Variants in DSCAML1 observed in about 807,000 individuals in gnomAD.
The protein encoded by DSCAML1 is cell adhesion molecule DSCAML1.
A neutral mutation model predicts 200.5 loss-of-function variants in DSCAML1; 38 were observed. The observed-to-expected ratio is 0.19, with a 90% CI of 0.15 to 0.25. The LOEUF is 0.25. DSCAML1 is among the 10% of genes least tolerant of loss of function. DSCAML1 has a pLI of 1.00. For missense variants in DSCAML1, 2,223 were observed against 2,858.8 expected (o/e 0.78, Z 5.07); for synonymous variants, 1,215 against 1,165.0 (o/e 1.04, Z -0.87).
chr11:117,514,914 C>T (rs1414280417), intron 8 of DSCAML1, among the ~76,000 whole-genome samples: 2 of 152,226 alleles, frequency 1.3e-5, no homozygotes, highest in Non-Finnish European at 2.9e-5. Flanking sequence ...CACTTTCTGC[C>T]CCGAAAACTG....
intron 3 of DSCAML1, among the ~76,000 whole-genome samples, chr11:117,638,848 A>G (rs775332726): frequency 5.9e-5 from 9 of 152,202 alleles, no homozygotes; most frequent in African/African-American, 1.4e-4. Flanking sequence ...ACATCCATGC[A>G]TAAGTTTTTG....
intron 3 of DSCAML1, among the ~76,000 whole-genome samples, chr11:117,583,399 A>G (rs2051079963): frequency 1.3e-5 from 2 of 152,140 alleles, no homozygotes; most frequent in Admixed American, 6.5e-5. Flanking sequence ...TAAATCTGAC[A>G]GTTTAGGCTT....
chr11:117,433,109 A>G (rs769073683), intron 29 of DSCAML1, 29 bp downstream of exon 29: 3 of 1,589,950 alleles, frequency 1.9e-6, no homozygotes, highest in Middle Eastern at 1.7e-4. Context: ...ACCCAGCAGG[A>G]CAGGGAACTT....
At position 117,428,760 on chromosome 11, in the gene DSCAML1, G is replaced by C; in HGVS notation, c.5730C>G (p.Phe1910Leu). 3 of 1,611,308 alleles carry C rather than the reference G, an allele frequency of 1.9e-6. No homozygotes were observed. Among genetic ancestry groups the C allele is most frequent in the Non-Finnish European group, 2.5e-6 (3 of 1,179,176 alleles). Reference protein sequence around the residue: ...NLPLYAKSEAFFRKADGREPC... With the variant: ...NLPLYAKSEALFRKADGREPC... ...GCTCACGTCCATCTGCCTTTCGAAA[G>C]AAGGCCTCTGACTTGGCATACAGGG... Residue 1910 changes from phenylalanine to leucine, a missense_variant, in exon 33 of 33, where the codon TTC becomes TTG. Physicochemically the swap from Phe to Leu is conservative, Grantham distance 22. Transcript: ENST00000651296.
chr11:117,547,897 T>C (rs1013367131), intron 3 of DSCAML1, among the ~76,000 whole-genome samples: 3 of 152,212 alleles, frequency 2.0e-5, no homozygotes, highest in African/African-American at 4.8e-5. Context: ...TCCCAAGCCT[T>C]GCTGCTGCTC....
At chr11:117,540,193 C>T (rs554324582) in intron 3 of DSCAML1, among the ~76,000 whole-genome samples, 4 of 152,298 alleles carry the variant, frequency 2.6e-5, no homozygotes, top group South Asian at 4.1e-4. Context: ...AGTACCTGTT[C>T]GTGGCCTGTT....
intron 3 of DSCAML1, among the ~76,000 whole-genome samples, chr11:117,753,341 G>A (rs991748923): frequency 5.3e-5 from 8 of 152,138 alleles, no homozygotes; most frequent in East Asian, 1.9e-4. Flanking sequence ...GAGTGGTCCC[G>A]CATTCTTCTC....
rs1420580866 is a variant in DSCAML1, at chr11:117,603,563, A to G, written c.512-71041T>C. Among the ~76,000 whole-genome samples, 3 of 152,274 alleles carry G rather than the reference A, an allele frequency of 2.0e-5. No homozygotes were observed. The East Asian group carries it at 5.8e-4, about 29-fold the overall frequency. ...GATATAGGGCACTTGCCTGACACACAGCAAACACTCAGTGAATAAATATTT... is the reference window on the plus strand; with the variant it reads ...GATATAGGGCACTTGCCTGACACACGGCAAACACTCAGTGAATAAATATTT... On this transcript the variant is annotated intron_variant, in intron 3 of 32. Transcript: ENST00000651296.
chr11:117,573,232 C>A (rs1050600869), intron 3 of DSCAML1, among the ~76,000 whole-genome samples: 1 of 152,228 alleles, frequency 6.6e-6, no homozygotes, highest in Non-Finnish European at 1.5e-5. Context: ...GCTGGCCGTA[C>A]GCTCTCTGCA....
At chr11:117,711,401 C>T (rs996030484) in intron 3 of DSCAML1, among the ~76,000 whole-genome samples, 8 of 152,160 alleles carry the variant, frequency 5.3e-5, no homozygotes, top group African/African-American at 1.9e-4. Context: ...CTGAAGGGAG[C>T]CAGCTGCGTG....
intron 3 of DSCAML1, among the ~76,000 whole-genome samples, chr11:117,564,678 TTCCTTCCTTCCTA>T (rs1052648743): frequency 8.6e-5 from 13 of 151,692 alleles, no homozygotes; most frequent in East Asian, 1.9e-4. Flanking sequence ...TCCTCCTTCC[TTCCTTCCTTCCTA>T]TCCTTCCTTC....
chr11:117,656,531 CTAT>C (rs1468179576), intron 3 of DSCAML1, among the ~76,000 whole-genome samples: 4 of 152,018 alleles, frequency 2.6e-5, no homozygotes, highest in East Asian at 1.9e-4. Context: ...ATCTATCTAT[CTAT>C]CTATCTATCT....
chr11:117,517,106 T>G (rs2049785889), intron 7 of DSCAML1, among the ~76,000 whole-genome samples: 1 of 152,050 alleles, frequency 6.6e-6, no homozygotes, highest in Non-Finnish European at 1.5e-5. Flanking sequence ...ATGGGGAGAT[T>G]AAGATTTTGG....
chr11:117,497,998 C>T (rs971138660), intron 11 of DSCAML1, among the ~76,000 whole-genome samples: 1 of 152,206 alleles, frequency 6.6e-6, no homozygotes, highest in African/African-American at 2.4e-5. Flanking sequence ...GACCTGTGAG[C>T]CCGGATGGGA....
chr11:117,428,854 G>A, intron 32 of DSCAML1, 51 bp from the exon 33 acceptor site: 6 of 1,507,608 alleles, frequency 4.0e-6, no homozygotes, highest in Non-Finnish European at 5.4e-6. Context: ...CCCTCTGGAA[G>A]CAGCTCGTTC....
intron 3 of DSCAML1, among the ~76,000 whole-genome samples, chr11:117,654,017 C>A (rs904185252): frequency 2.6e-5 from 4 of 152,100 alleles, no homozygotes; most frequent in East Asian, 1.9e-4. Flanking sequence ...GAGAATGAGA[C>A]CTTTGTTTCT....
At chr11:117,665,261 A>T (rs769949123) in intron 3 of DSCAML1, among the ~76,000 whole-genome samples, 1 of 152,214 alleles carries the variant, frequency 6.6e-6, no homozygotes, top group African/African-American at 2.4e-5. Context: ...GGTGTCCCCA[A>T]GGGGACTGGA....
chr11:117,504,029 G>C lies in DSCAML1; in HGVS notation c.2183-8C>G. The C allele has an allele frequency of 6.2e-7, 1 of 1,613,360 alleles. No homozygotes were observed. The highest frequency in any genetic ancestry group is 8.5e-7 in the Non-Finnish European group (1 of 1,179,666). ...GCTGGGGGTTCCCGCTCCCTGGAAG[G>C]AGGCAGCTGTTAGGAGGGCTGAGTC... On this transcript the variant is annotated splice_polypyrimidine_tract_variant and splice_region_variant and intron_variant, in intron 10 of 32. Coordinates refer to ENST00000651296, the MANE Select transcript of DSCAML1 (RefSeq NM_020693.4). The surrounding 1 kb of genome is among the most constrained non-coding windows in gnomAD (Gnocchi z 5.0).
chr11:117,576,566 G>A (rs2050936357), intron 3 of DSCAML1, among the ~76,000 whole-genome samples: 1 of 152,346 alleles, frequency 6.6e-6, no homozygotes, highest in Non-Finnish European at 1.5e-5. Flanking sequence ...TACTGAGCTT[G>A]TTAAGGGAGC....
Sources: gnomAD v4.1 joint callset for allele counts (sites outside exome capture counted in the v4.1 genomes callset) on GRCh38, gnomAD v4.1.1 for gene constraint, Gnocchi (gnomAD v3.1) non-coding constraint, MANE v1.5 for transcripts, NCBI Gene and HGNC (gene_info 2026-07-23, HGNC 2026-07-21) for gene names.